Variants in NOA1 observed in about 807,000 individuals in gnomAD.
NOA1 encodes the protein nitric oxide-associated protein 1.
A neutral mutation model predicts 58.4 loss-of-function variants in NOA1; 35 were observed. The observed-to-expected ratio is 0.60, with a 90% CI of 0.46 to 0.79. The LOEUF is 0.79. Among genes scored for constraint, NOA1 ranks in the 30% least tolerant of loss-of-function variants. The probability of loss-of-function intolerance (pLI) is 0.00; values close to 1 mark genes in which losing one functional copy is unlikely to be tolerated. For synonymous variants in NOA1, 397 were observed against 373.4 expected (o/e 1.06, Z -0.73); for missense variants, 895 against 894.6 (o/e 1.00, Z -0.01).
At chr4:56,971,911 CAG>C (rs1721818187) in intron 3 of NOA1, among the ~76,000 whole-genome samples, 2 of 144,938 alleles carry the variant, frequency 1.4e-5, no homozygotes, top group East Asian at 4.1e-4. Flanking sequence ...TTTTTTGAGA[CAG>C]AGTCTTGCTC....
chr4:56,971,807 G>A (rs1721815419), intron 3 of NOA1, among the ~76,000 whole-genome samples: 1 of 151,898 alleles, frequency 6.6e-6, no homozygotes, highest in African/African-American at 2.4e-5. Context: ...CAAAGTCAAA[G>A]TTACCTATGA....
intron 1 of NOA1, among the ~76,000 whole-genome samples, chr4:56,974,280 G>C (rs1386837933): frequency 6.6e-6 from 1 of 152,184 alleles, no homozygotes; most frequent in African/African-American, 2.4e-5. Flanking sequence ...AATTCAAAGT[G>C]CAAGACAGAG....
At chr4:56,968,557 G>A in intron 3 of NOA1, 42 bp from the exon 4 acceptor site, 1 of 1,431,792 alleles carries the variant, frequency 7.0e-7, no homozygotes, top group South Asian at 1.3e-5. Flanking sequence ...TACTTTTATT[G>A]AAAATATGAT....
In NOA1 at chr4:56,974,754, C is replaced by T. The variant is rs1292277978; in HGVS notation, c.1145-732G>A. ...TTGAGACAGCGTCTTGCTCTGTTGCCCAGGCTGGAGTGCAGTGGTGTGATC... is the reference window on the plus strand; with the variant it reads ...TTGAGACAGCGTCTTGCTCTGTTGCTCAGGCTGGAGTGCAGTGGTGTGATC... On this transcript the variant is annotated intron_variant, in intron 1 of 6. Transcript: ENST00000264230. 2.0e-5 allele frequency among the ~76,000 whole-genome samples: 3 copies of T among 151,878 alleles called. No individual in the cohort carries two copies. In the South Asian group the frequency reaches 6.2e-4, roughly 32 times the overall value.
At position 56,976,655 on chromosome 4, in the gene NOA1, TGACCACTGTGCGG is replaced by T; in HGVS notation, c.918_930del (p.Arg307GlyfsTer5). The T allele has an allele frequency of 6.2e-7, 1 of 1,614,144 alleles. No individual in the cohort carries two copies. Among genetic ancestry groups the T allele is most frequent in the Non-Finnish European group, 8.5e-7 (1 of 1,179,986 alleles). ...TTGGCGCTGATCAGCCGCACGTCCC[TGACCACTGTGCGG>T]GACCAGTTCGGCGGATTCGGATTCT... On this transcript the variant is annotated frameshift_variant, in exon 1 of 7. Coordinates refer to ENST00000264230, the MANE Select transcript of NOA1 (RefSeq NM_032313.4). LOFTEE classifies it high-confidence loss of function.
chr4:56,977,405 C>T lies in NOA1; in HGVS notation c.181G>A (p.Gly61Ser), dbSNP rs1398591913. ...ELPYDPVDTE[G>S]FGEGGDMQER... ...TGCATGTCACCACCTTCTCCAAAGC[C>T]CTCCGTGTCCACGGGGTCATAAGGA... Residue 61 changes from glycine (G) to serine (S), a missense_variant, in exon 1 of 7, where the codon GGC becomes AGC. Physicochemically the swap from Gly to Ser is moderately conservative, Grantham distance 56 (BLOSUM62 0). Around this residue, in one of 3 missense-constraint regions of NOA1, gnomAD observed 680 missense variants for 656.5 expected, o/e 1.04. Coordinates refer to ENST00000264230, the MANE Select transcript of NOA1 (RefSeq NM_032313.4). The T allele has an allele frequency of 1.9e-6, 3 of 1,614,094 alleles. No homozygotes were observed. The highest frequency in any genetic ancestry group is 1.3e-5 in the African/African-American group (1 of 74,958).
chr4:56,966,633 T>C lies in NOA1; in HGVS notation c.1751A>G (p.His584Arg), dbSNP rs758788021. ...ATGTTGCCTTACCTGGAGTAACGTA[T>C]GACCTGCATGCTTCTGATACAGAGC... ...ADALYQKHAG[H>R]TLLQIPMGGK... The change falls in exon 5 of 7, where the codon CAT (histidine) becomes CGT (arginine). Residue 584 changes from histidine (H) to arginine (R), a missense_variant. Coordinates refer to ENST00000264230, the MANE Select transcript of NOA1 (RefSeq NM_032313.4). 1.9e-6 allele frequency: 3 copies of C among 1,607,970 alleles called. No homozygotes were observed. The highest frequency in any genetic ancestry group is 2.2e-5 in the East Asian group (1 of 44,838).
rs750347087 is a variant in NOA1, at chr4:56,977,038, C to A, written c.548G>T (p.Trp183Leu). Residue 183 changes from tryptophan (W) to leucine (L), a missense_variant, in exon 1 of 7, where the codon TGG becomes TTG. Coordinates refer to ENST00000264230, the MANE Select transcript of NOA1 (RefSeq NM_032313.4). ...GLARTVCQRC[W>L]LLSHHRRALR... Reference sequence around the variant, plus strand: ...AGCGCGCCGGTGGTGCGACAGCAGCCAGCAGCGCTGGCACACGGTCCGTGC... The same window carrying A: ...AGCGCGCCGGTGGTGCGACAGCAGCAAGCAGCGCTGGCACACGGTCCGTGC... 6.3e-7 allele frequency: 1 copy of A among 1,585,980 alleles called. No homozygotes were observed. Among genetic ancestry groups the A allele is most frequent in the Non-Finnish European group, 8.5e-7 (1 of 1,171,134 alleles).
intron 3 of NOA1, among the ~76,000 whole-genome samples, chr4:56,969,663 C>T (rs893301473): frequency 2.6e-5 from 4 of 152,104 alleles, no homozygotes; most frequent in African/African-American, 4.8e-5. Flanking sequence ...AGATAGTTTT[C>T]TTCATTATTT....
At chr4:56,968,274 C>T (rs375700619) in intron 4 of NOA1, 110 bp downstream of exon 4, 2 of 1,171,460 alleles carry the variant, frequency 1.7e-6, no homozygotes, top group Non-Finnish European at 1.2e-6. Context: ...AAACCCAATA[C>T]AATCATGGCT....
At chr4:56,973,760 C>A in intron 2 of NOA1, 98 bp downstream of exon 2, 2 of 1,227,756 alleles carry the variant, frequency 1.6e-6, no homozygotes, top group Non-Finnish European at 2.3e-6. Context: ...AGTCTCTCCC[C>A]ACAAAAACTG....
chr4:56,973,872 T>C lies in NOA1; in HGVS notation c.1295A>G (p.His432Arg), dbSNP rs1275473134. The C allele has an allele frequency of 6.2e-6, 10 of 1,614,010 alleles. No individual in the cohort carries two copies. Among genetic ancestry groups the C allele is most frequent in the African/African-American group, 2.7e-5 (2 of 74,922 alleles). ...EQNQLNVLKK[H>R]GYVVGRVGRT... The stretch of plus-strand genomic sequence containing the variant: ...AGGATGCTTACCTACGACATAACCA[T>C]GCTTTTTGAGGACATTAAGCTGATT... Residue 432 changes from histidine to arginine, a missense_variant, in exon 2 of 7, where the codon CAT becomes CGT. His to Arg is a conservative substitution (Grantham distance 29). Around this residue, in one of 3 missense-constraint regions of NOA1, gnomAD observed 680 missense variants for 656.5 expected, o/e 1.04. Transcript: ENST00000264230.
chr4:56,971,518 A>C (rs1348340806), intron 3 of NOA1, among the ~76,000 whole-genome samples: 1 of 152,178 alleles, frequency 6.6e-6, no homozygotes, highest in Admixed American at 6.6e-5. Flanking sequence ...ATAGAATACA[A>C]TTCTGAGAAT....
rs1331040742 is a variant in NOA1, at chr4:56,976,771, C to T, written c.815G>A (p.Cys272Tyr). 8.7e-6 allele frequency: 14 copies of T among 1,609,260 alleles called. No individual in the cohort carries two copies. The Admixed American group carries it at 2.3e-4, about 27-fold the overall frequency. The change falls in exon 1 of 7, where the codon TGT becomes TAT. Residue 272 changes from cysteine (C) to tyrosine (Y), a missense_variant. By Grantham distance (194) the Cys-to-Tyr change is radical. Transcript: ENST00000264230. ...QRLRERLWED[C>Y]ARAGLLLAPG... ...GGCCAGCAGGAGCCCGGCGCGGGCACAGTCCTCCCACAGTCGCTCCCGCAG... is the reference window on the plus strand; with the variant it reads ...GGCCAGCAGGAGCCCGGCGCGGGCATAGTCCTCCCACAGTCGCTCCCGCAG...
chr4:56,973,392 A>T, intron 2 of NOA1, 39 bp from the exon 3 acceptor site: 1 of 1,499,730 alleles, frequency 6.7e-7, no homozygotes, highest in Non-Finnish European at 9.3e-7. Context: ...TCACTCCTTT[A>T]ATACTTTTAA....
rs1721939469 is a variant in NOA1 at position 56,976,861 on chromosome 4, T to A, written c.725A>T (p.Gln242Leu). Residue 242 changes from glutamine to leucine, a missense_variant, in exon 1 of 7, where the codon CAG (glutamine) becomes CTG (leucine). Coordinates refer to ENST00000264230, the MANE Select transcript of NOA1 (RefSeq NM_032313.4). ...CACTTTGTTTCCCAGCACGATCAGC[T>A]GCTTGGGGCCCACCAGCGCGGGCAA... ...PDLPALVGPKQLIVLGNKVDL... is the reference protein window; with the variant it reads ...PDLPALVGPKLLIVLGNKVDL... The A allele has an allele frequency of 6.2e-7, 1 of 1,613,004 alleles. No individual in the cohort carries two copies. The highest frequency in any genetic ancestry group is 8.5e-7 in the Non-Finnish European group (1 of 1,179,832).
chr4:56,977,180 G>C lies in NOA1; in HGVS notation c.406C>G (p.Pro136Ala), dbSNP rs1177726816. ...VVGHPDPALP[P>A]SGVNCSGCGA... The stretch of plus-strand genomic sequence containing the variant: ...CAGCCCGAGCAGTTCACGCCGCTGG[G>C]CGGCAATGCCGGGTCCGGGTGCCCC... Residue 136 changes from proline (P) to alanine (A), a missense_variant, in exon 1 of 7, where the codon CCC becomes GCC. This residue lies in a region of NOA1 where 680 missense variants were observed against 656.5 expected (regional missense o/e 1.04). Transcript: ENST00000264230. 1.9e-6 allele frequency: 3 copies of C among 1,563,060 alleles called. No individual in the cohort carries two copies. The highest frequency in any genetic ancestry group is 2.4e-5 in the East Asian group (1 of 41,838).
At chr4:56,967,979 G>A (rs920769184) in intron 4 of NOA1, among the ~76,000 whole-genome samples, 2 of 150,556 alleles carry the variant, frequency 1.3e-5, no homozygotes, top group Non-Finnish European at 2.9e-5. Flanking sequence ...GTGCAGTGGT[G>A]CAATTTCAGC....
At chr4:56,971,068 T>A (rs1721802483) in intron 3 of NOA1, among the ~76,000 whole-genome samples, 1 of 152,088 alleles carries the variant, frequency 6.6e-6, no homozygotes, top group African/African-American at 2.4e-5. Context: ...ATCCTAGCAC[T>A]TTGGGAGGCT....
Sources: allele counts gnomAD v4.1 joint callset (sites outside exome capture counted in the v4.1 genomes callset), GRCh38; gene constraint gnomAD v4.1.1; regional missense constraint gnomAD v4.1.1; transcripts MANE v1.5; gene names NCBI Gene and HGNC (gene_info 2026-07-23, HGNC 2026-07-21).